Variants in LRBA observed in about 807,000 individuals in gnomAD.
LRBA encodes lipopolysaccharide-responsive and beige-like anchor protein.
A neutral mutation model predicts 330.0 loss-of-function variants in LRBA; 176 were observed. The observed-to-expected ratio is 0.53, with a 90% CI of 0.47 to 0.60. The LOEUF (loss-of-function observed/expected upper bound fraction) is 0.60, where lower values mean the gene tolerates loss of function less well. Ranked by LOEUF, LRBA falls within the 20% of genes least tolerant of loss-of-function variation. LRBA has a pLI of 0.00. For missense variants in LRBA, 3,259 were observed against 3,444.8 expected, an observed-to-expected ratio of 0.95 and a Z score of 1.35; for synonymous variants, 1,230 against 1,193.0, an observed-to-expected ratio of 1.03 and a Z score of -0.64.
At chr4:150,557,619 C>G (rs1326927247) in intron 40 of LRBA, among the ~76,000 whole-genome samples, 1 of 151,818 alleles carries the variant, frequency 6.6e-6, no homozygotes. Context: ...TGACCTTTGA[C>G]AGCTTTAAAG....
At chr4:150,673,223 C>G (rs569569037) in intron 37 of LRBA, among the ~76,000 whole-genome samples, 6 of 152,212 alleles carry the variant, frequency 3.9e-5, no homozygotes, top group Admixed American at 6.5e-5. Context: ...ATACATTAAT[C>G]TAAGTATTAT....
intron 40 of LRBA, among the ~76,000 whole-genome samples, chr4:150,513,677 TCC>T (rs997080911): frequency 1.3e-5 from 2 of 152,122 alleles, no homozygotes; most frequent in African/African-American, 2.4e-5. Context: ...GACTTCCTGC[TCC>T]CTGTCCCCTC....
At chr4:150,776,943 T>G in intron 34 of LRBA, among the ~76,000 whole-genome samples, 1 of 152,098 alleles carries the variant, frequency 6.6e-6, no homozygotes, top group South Asian at 2.1e-4. Flanking sequence ...TTCTTGAAAA[T>G]CTCTAAAAAA....
chr4:150,772,946 A>G (rs1736783633), intron 34 of LRBA, among the ~76,000 whole-genome samples: 1 of 152,184 alleles, frequency 6.6e-6, no homozygotes, highest in Admixed American at 6.5e-5. Context: ...CCACCCTGAA[A>G]ATGCCCAATC....
At chr4:150,858,916 CAT>C (rs1553983967) in intron 22 of LRBA, among the ~76,000 whole-genome samples, 1 of 152,090 alleles carries the variant, frequency 6.6e-6, no homozygotes, top group Non-Finnish European at 1.5e-5. Context: ...TATGCCAGTT[CAT>C]ATCTTATGAT....
At chr4:151,005,386 C>A (rs566309579) in intron 2 of LRBA, among the ~76,000 whole-genome samples, 1 of 126,102 alleles carries the variant, frequency 7.9e-6, no homozygotes, top group Admixed American at 9.5e-5. Flanking sequence ...TGCAGTGAGC[C>A]AAGATCGCAC....
chr4:150,464,009 C>CAAAA (rs34742965), intron 44 of LRBA, among the ~76,000 whole-genome samples: 1 of 146,182 alleles, frequency 6.8e-6, no homozygotes, highest in Non-Finnish European at 1.5e-5. Context: ...AACATATCCT[C>CAAAA]AAAAAAAAAA....
At chr4:150,283,834 A>T (rs1453793841) in intron 54 of LRBA, among the ~76,000 whole-genome samples, 2 of 152,216 alleles carry the variant, frequency 1.3e-5, no homozygotes, top group African/African-American at 4.8e-5. Context: ...CATCATCATC[A>T]TCAGTGACCA....
intron 5 of LRBA, 43 bp downstream of exon 5, chr4:150,921,155 G>A: frequency 7.5e-7 from 1 of 1,327,326 alleles, no homozygotes; most frequent in Non-Finnish European, 1.1e-6. Context: ...GGGAGCAAAG[G>A]AAAGAAGAAC....
rs942814625 is a variant in LRBA, at chr4:150,851,044, T to C, written c.3826-142A>G. 22 of 559,428 alleles carry C rather than the reference T, an allele frequency of 3.9e-5. No individual in the cohort carries two copies. In the South Asian group the frequency reaches 5.3e-4, roughly 13 times the overall value. The allele number at this position is 559,428 out of a possible 1,614,324, so 34.7% of individuals were successfully genotyped here. A position where few individuals can be genotyped will look rare whatever the true frequency, so the allele number is the denominator to read the frequency against. The stretch of plus-strand genomic sequence containing the variant: ...AAGAACCAAATTAGAGAAAGAAAAA[T>C]TATCAATGAGTAATAACATTAACAT... On this transcript the variant is annotated intron_variant, in intron 23 of 56. Coordinates refer to ENST00000651943, the MANE Select transcript of LRBA (RefSeq NM_001364905.1).
intron 53 of LRBA, among the ~76,000 whole-genome samples, chr4:150,292,804 T>G (rs11936617): frequency 0.011 from 1,608 of 152,286 alleles, 21 homozygotes; most frequent in African/African-American, 0.037. Context: ...TAATTATAAA[T>G]ATCTATGCTT....
At chr4:150,468,285 T>C (rs775909096) in intron 43 of LRBA, among the ~76,000 whole-genome samples, 2 of 152,028 alleles carry the variant, frequency 1.3e-5, no homozygotes, top group Non-Finnish European at 2.9e-5. Flanking sequence ...ATCTATAAAA[T>C]GAGGGCATTG....
intron 34 of LRBA, among the ~76,000 whole-genome samples, chr4:150,768,084 G>GA (rs1560789982): frequency 8.6e-6 from 1 of 116,372 alleles, no homozygotes; most frequent in Non-Finnish European, 1.7e-5. Context: ...AAAAAAAAAA[G>GA]TTTTTTTTTT....
rs1737580730 is a variant in LRBA, at chr4:150,956,662, A to G, written c.217-27597T>C. Among the ~76,000 whole-genome samples the G allele has an allele frequency of 1.3e-5, 2 of 149,208 alleles. 1 individual carries two copies. Among genetic ancestry groups the G allele is most frequent in the African/African-American group, 5.2e-5 (2 of 38,640 alleles). ...TAGCAAACCAAATCCAGGAACATAT[A>G]AAAACAGTTATACACTATGACTAAA... On this transcript the variant is annotated intron_variant, in intron 2 of 56. Transcript: ENST00000651943.
chr4:150,366,159 C>G lies in LRBA; in HGVS notation c.7195-16000G>C, dbSNP rs144803365. 4.2e-3 allele frequency among the ~76,000 whole-genome samples: 638 copies of G among 152,158 alleles called. 2 individuals carry two copies. The highest frequency in any genetic ancestry group is 0.015 in the African/African-American group (608 of 41,508). The stretch of plus-strand genomic sequence containing the variant: ...ACTATAACTGATAAGAAAAAACAGT[C>G]TCAAAGAATAAGGCTGTTTTGAGAT... On this transcript the variant is annotated intron_variant, in intron 47 of 56. Coordinates refer to ENST00000651943, the MANE Select transcript of LRBA (RefSeq NM_001364905.1).
intron 2 of LRBA, among the ~76,000 whole-genome samples, chr4:150,930,022 A>T (rs10010882): frequency 6.6e-6 from 1 of 152,168 alleles, no homozygotes; most frequent in African/African-American, 2.4e-5. Context: ...TGAACTTTAA[A>T]AAACAAATCC....
chr4:150,357,130 G>A lies in LRBA; in HGVS notation c.7195-6971C>T, dbSNP rs565842980. ...GGTTCTATACTTCTAAACTGCCCTTGAACTGTTGGGCAGAAGAGATATTTT... is the reference window on the plus strand; with the variant it reads ...GGTTCTATACTTCTAAACTGCCCTTAAACTGTTGGGCAGAAGAGATATTTT... On this transcript the variant is annotated intron_variant, in intron 47 of 56. Coordinates refer to ENST00000651943, the MANE Select transcript of LRBA (RefSeq NM_001364905.1). Among the ~76,000 whole-genome samples, 444 of 152,098 alleles carry A rather than the reference G, an allele frequency of 2.9e-3. 4 individuals carry two copies. Among genetic ancestry groups the A allele is most frequent in the Non-Finnish European group, 4.3e-3 (293 of 67,874 alleles).
chr4:150,536,748 T>C (rs1764695108), intron 40 of LRBA, among the ~76,000 whole-genome samples: 1 of 152,188 alleles, frequency 6.6e-6, no homozygotes, highest in South Asian at 2.1e-4. Flanking sequence ...ATCCCATTTA[T>C]AATAGACACA....
intron 25 of LRBA, 135 bp downstream of exon 25, chr4:150,849,287 T>C (rs1163860060): frequency 1.9e-5 from 14 of 749,130 alleles, no homozygotes; most frequent in Non-Finnish European, 2.6e-5. Flanking sequence ...TAAGGTCCTC[T>C]CAAGTAAAAG....
Sources: allele counts gnomAD v4.1 joint callset (sites outside exome capture counted in the v4.1 genomes callset), GRCh38; gene constraint gnomAD v4.1.1; transcripts MANE v1.5; gene names NCBI Gene and HGNC (gene_info 2026-07-23, HGNC 2026-07-21).